PTPRD: variants seen among roughly 807,000 people sequenced by gnomAD.
PTPRD encodes protein tyrosine phosphatase receptor type D, also known as receptor-type tyrosine-protein phosphatase delta.
Under a neutral mutation model 214.5 loss-of-function variants are expected in PTPRD, and 34 were observed. The ratio of observed to expected loss-of-function variants is 0.16; its 90% CI spans 0.12 to 0.21. The LOEUF (loss-of-function observed/expected upper bound fraction) is 0.21. Ranked by LOEUF, PTPRD falls within the 10% of genes least tolerant of loss-of-function variation. The pLI is 1.00. For missense variants in PTPRD, 2,545 were observed against 2,398.7 expected, an observed-to-expected ratio of 1.06 and a Z score of -1.27; for synonymous variants, 1,128 against 845.7, an observed-to-expected ratio of 1.33 and a Z score of -5.79.
At chr9:9,559,264 C>G (rs1197554165) in intron 8 of PTPRD, among the ~76,000 whole-genome samples, 2 of 152,150 alleles carry the variant, frequency 1.3e-5, no homozygotes. Flanking sequence ...GCATGAAGGG[C>G]AGCATATGCA....
intron 2 of PTPRD, among the ~76,000 whole-genome samples, chr9:10,421,302 C>T (rs1172980497): frequency 1.3e-5 from 2 of 151,806 alleles, no homozygotes; most frequent in African/African-American, 2.4e-5. Context: ...TTCTTGCTCA[C>T]CCCCACACAT....
intron 3 of PTPRD, among the ~76,000 whole-genome samples, chr9:10,102,278 C>A (rs2098558075): frequency 6.6e-6 from 1 of 151,490 alleles, no homozygotes; most frequent in Non-Finnish European, 1.5e-5. Context: ...TGCCATAGAT[C>A]CTTCAATACA....
chr9:9,390,530 T>C (rs986625597), intron 9 of PTPRD, among the ~76,000 whole-genome samples: 5 of 151,632 alleles, frequency 3.3e-5, no homozygotes, highest in South Asian at 2.1e-4. Flanking sequence ...GATAAGAGAG[T>C]AAGAGAAAAG....
intron 3 of PTPRD, among the ~76,000 whole-genome samples, chr9:10,299,905 C>T (rs926286344): frequency 6.6e-6 from 1 of 152,112 alleles, no homozygotes; most frequent in South Asian, 2.1e-4. Context: ...TCAAATATTG[C>T]CAGCCCAGTG....
intron 9 of PTPRD, among the ~76,000 whole-genome samples, chr9:9,310,252 A>G (rs1958520385): frequency 6.6e-6 from 1 of 152,138 alleles, no homozygotes; most frequent in South Asian, 2.1e-4. Flanking sequence ...GAAGAAGCAT[A>G]TTAGCATGTG....
At chr9:8,615,649 A>C (rs980800494) in intron 14 of PTPRD, among the ~76,000 whole-genome samples, 1 of 152,118 alleles carries the variant, frequency 6.6e-6, no homozygotes, top group African/African-American at 2.4e-5. Flanking sequence ...AAAATCCAGC[A>C]TGGCACCTAT....
At chr9:10,191,313 C>A (rs73641873) in intron 3 of PTPRD, among the ~76,000 whole-genome samples, 1,939 of 151,964 alleles carry the variant, frequency 0.013, 42 homozygotes, top group African/African-American at 0.045. Context: ...TTTTATTTTT[C>A]TTTCTTATAA....
intron 35 of PTPRD, among the ~76,000 whole-genome samples, chr9:8,409,954 A>G (rs2093377627): frequency 6.6e-6 from 1 of 152,174 alleles, no homozygotes; most frequent in South Asian, 2.1e-4. Context: ...ATCTTTTCAC[A>G]TATCTCCCCT....
intron 8 of PTPRD, among the ~76,000 whole-genome samples, chr9:9,407,278 T>C (rs992874226): frequency 4.0e-5 from 6 of 151,808 alleles, no homozygotes; most frequent in African/African-American, 1.4e-4. Flanking sequence ...TTACTCATTT[T>C]CATTGCTGTG....
At chr9:8,951,772 A>G (rs2099103378) in intron 11 of PTPRD, among the ~76,000 whole-genome samples, 1 of 152,016 alleles carries the variant, frequency 6.6e-6, no homozygotes, top group African/African-American at 2.4e-5. Flanking sequence ...GTTCACCCCA[A>G]GTTCTTGTGT....
chr9:10,271,260 G>GT (rs2154382725), intron 3 of PTPRD, among the ~76,000 whole-genome samples: 1 of 152,146 alleles, frequency 6.6e-6, no homozygotes, highest in Non-Finnish European at 1.5e-5. Flanking sequence ...TAATTGATAT[G>GT]TTTTTGGAAC....
At chr9:9,488,462 T>C (rs987128519) in intron 8 of PTPRD, among the ~76,000 whole-genome samples, 2 of 152,188 alleles carry the variant, frequency 1.3e-5, no homozygotes, top group African/African-American at 4.8e-5. Context: ...TGGAGAATAG[T>C]GTTTCTGCTC....
At chr9:9,738,748 C>T (rs2098346841) in intron 6 of PTPRD, among the ~76,000 whole-genome samples, 1 of 151,982 alleles carries the variant, frequency 6.6e-6, no homozygotes, top group Non-Finnish European at 1.5e-5. Flanking sequence ...GACCTCTTTG[C>T]TCACTTTTTA....
chr9:9,808,211 G>T (rs867328680), intron 5 of PTPRD, among the ~76,000 whole-genome samples: 20 of 152,140 alleles, frequency 1.3e-4, no homozygotes, highest in Admixed American at 4.6e-4. Context: ...CACAGAGAAC[G>T]ATTCTCCAAA....
chr9:9,062,891 GGGGT>G (rs1375646790), intron 10 of PTPRD, among the ~76,000 whole-genome samples: 1 of 152,138 alleles, frequency 6.6e-6, no homozygotes, highest in Non-Finnish European at 1.5e-5. Context: ...TTATGTCACA[GGGGT>G]GTTTTAAGTA....
intron 2 of PTPRD, among the ~76,000 whole-genome samples, chr9:10,503,670 T>C (rs2044669733): frequency 6.6e-6 from 1 of 152,070 alleles, no homozygotes; most frequent in South Asian, 2.1e-4. Context: ...AAAACTATCT[T>C]ACCTCCTGGA....
chr9:9,065,062 A>T (rs111307813), intron 10 of PTPRD, among the ~76,000 whole-genome samples: 116 of 152,350 alleles, frequency 7.6e-4, no homozygotes, highest in African/African-American at 2.7e-3. Flanking sequence ...TACATGAAAT[A>T]GGCATTCCCA....
intron 4 of PTPRD, among the ~76,000 whole-genome samples, chr9:9,953,535 C>T (rs1455720866): frequency 6.6e-6 from 1 of 151,918 alleles, no homozygotes; most frequent in African/African-American, 2.4e-5. Context: ...TACATACACA[C>T]TCACTTTTGG....
intron 4 of PTPRD, among the ~76,000 whole-genome samples, chr9:9,966,766 A>C (rs996825561): frequency 6.6e-6 from 1 of 152,160 alleles, no homozygotes; most frequent in Non-Finnish European, 1.5e-5. Flanking sequence ...AGGAGACAGG[A>C]GGAAGATTAA....
Sources: allele counts gnomAD v4.1 joint callset (sites outside exome capture counted in the v4.1 genomes callset), GRCh38; gene constraint gnomAD v4.1.1; transcripts MANE v1.5; gene names NCBI Gene and HGNC (gene_info 2026-07-23, HGNC 2026-07-21).